INCENP: variants seen among roughly 807,000 people sequenced by gnomAD.
The protein encoded by INCENP is binds and activates aurora-B and -C in vivo and in vitro.
Under a neutral mutation model 107.3 loss-of-function variants are expected in INCENP, and 43 were observed. That is an observed-to-expected ratio of 0.40 (90% CI 0.31 to 0.52). The LOEUF (loss-of-function observed/expected upper bound fraction) is 0.52. INCENP is among the 20% of genes least tolerant of loss of function. INCENP has a pLI of 0.53. For synonymous variants in INCENP, 488 were observed against 494.4 expected (o/e 0.99, Z 0.17); for missense variants, 1,089 against 1,250.9 (o/e 0.87, Z 1.95).
intron 8 of INCENP, 123 bp from the exon 9 acceptor site, chr11:62,140,581 C>T: frequency 1.2e-6 from 1 of 824,144 alleles, no homozygotes; most frequent in Non-Finnish European, 1.9e-6. Flanking sequence ...TTAGGCTCTG[C>T]AGCCTCTTTC....
intron 15 of INCENP, 69 bp from the exon 16 acceptor site, chr11:62,148,407 C>A: frequency 6.9e-7 from 1 of 1,443,090 alleles, no homozygotes; most frequent in South Asian, 1.2e-5. Flanking sequence ...GTTTCCCCAG[C>A]AGGGATGGGA....
At chr11:62,148,905 C>A (rs1944315120) in intron 17 of INCENP, 59 bp downstream of exon 17, 9 of 1,102,900 alleles carry the variant, frequency 8.2e-6, no homozygotes, top group Non-Finnish European at 1.2e-5. Context: ...CTATTCTCTT[C>A]CCAGTAGCTA....
intron 3 of INCENP, 35 bp from the exon 4 acceptor site, chr11:62,129,747 G>T: frequency 6.4e-7 from 1 of 1,557,716 alleles, no homozygotes; most frequent in Non-Finnish European, 8.7e-7. Flanking sequence ...CTGTCCTGCT[G>T]CCCGTCTCAG....
In INCENP at chr11:62,129,955, C is replaced by T. The variant is rs778452765; in HGVS notation, c.428C>T (p.Ser143Leu). 8 of 1,614,070 alleles carry T rather than the reference C, an allele frequency of 5.0e-6. No individual in the cohort carries two copies. In the Admixed American group the frequency reaches 6.7e-5, roughly 13 times the overall value. ...AATMALAAPS[S>L]PTPESPTMLT... ...ACCATGGCATTGGCTGCACCTTCTT[C>T]ACCCACCCCTGAGTCTCCCACGATG... Residue 143 changes from serine (S) to leucine (L), a missense_variant, in exon 4 of 19, where the codon TCA becomes TTA. Transcript: ENST00000394818.
chr11:62,127,962 A>AG (rs1304444873), intron 1 of INCENP, among the ~76,000 whole-genome samples, 189 bp from the exon 2 acceptor site: 1 of 114,098 alleles, frequency 8.8e-6, no homozygotes, highest in East Asian at 9.7e-4. Context: ...CTCTTTGTAG[A>AG]GATGAGGCTA....
Position 62,130,436 on chromosome 11 carries a change from G to A in INCENP, c.909G>A (p.Val303=), listed in dbSNP as rs764978710. 5 of 1,613,836 alleles carry A rather than the reference G, an allele frequency of 3.1e-6. No homozygotes were observed. The highest frequency in any genetic ancestry group is 4.2e-6 in the Non-Finnish European group (5 of 1,180,044). ...PTGSRTDSQS[V]RHSPIAPSSP... is the part of the protein sequence containing the mutation. ...GCTCTCGCACGGACTCTCAATCGGTGCGGCACAGCCCGATCGCCCCGTCTT... is the reference window on the plus strand; with the variant it reads ...GCTCTCGCACGGACTCTCAATCGGTACGGCACAGCCCGATCGCCCCGTCTT... Residue 303 remains valine (V), a synonymous_variant, in exon 4 of 19, where the codon GTG becomes GTA. Transcript: ENST00000394818.
At chr11:62,148,590 T>G in intron 16 of INCENP, 36 bp downstream of exon 16, 1 of 1,569,656 alleles carries the variant, frequency 6.4e-7, no homozygotes, top group Non-Finnish European at 8.7e-7. Context: ...CCCTGGGGTC[T>G]GCCCTGAGCT....
In INCENP at chr11:62,130,224, G is replaced by A; in HGVS notation, c.697G>A (p.Val233Met). The A allele has an allele frequency of 3.7e-6, 6 of 1,613,870 alleles. No individual in the cohort carries two copies. The highest frequency in any genetic ancestry group is 5.1e-6 in the Non-Finnish European group (6 of 1,180,014). The change falls in exon 4 of 19, where the codon GTG becomes ATG. Residue 233 changes from valine to methionine, a missense_variant. By Grantham distance (21) the Val-to-Met change is conservative. Coordinates refer to ENST00000394818, the MANE Select transcript of INCENP (RefSeq NM_001040694.2). ...GGCCAGGATACTGGAGTCCATCACA[G>A]TGAGCTCCCTGATGGCTACACCCCA... ...SKARILESIT[V>M]SSLMATPQDP...
At chr11:62,143,499 T>C (rs1590623181) in intron 11 of INCENP, among the ~76,000 whole-genome samples, 1 of 152,106 alleles carries the variant, frequency 6.6e-6, no homozygotes, top group South Asian at 2.1e-4. Flanking sequence ...TTCTTCCCTA[T>C]CTGCCTGCTC....
chr11:62,141,220 G>A (rs117978805), intron 10 of INCENP, among the ~76,000 whole-genome samples, 176 bp downstream of exon 10: 4 of 152,202 alleles, frequency 2.6e-5, no homozygotes, highest in African/African-American at 4.8e-5. Flanking sequence ...ACCTCTGAGG[G>A]CACTGTCCTG....
In INCENP at chr11:62,138,949, C is replaced by T; in HGVS notation, c.1235C>T (p.Thr412Ile). Residue 412 changes from threonine to isoleucine, a missense_variant, in exon 7 of 19, where the codon ACA becomes ATA. By Grantham distance (89) the Thr-to-Ile change is moderately conservative. Transcript: ENST00000394818. ...AATGACACGGAGATTGCCAACAGCA[C>T]ACCCAACCCGAAGCCTGCAGCCAGC... ...PHNDTEIANS[T>I]PNPKPAASSP... The T allele has an allele frequency of 6.2e-7, 1 of 1,614,156 alleles. No individual in the cohort carries two copies. The highest frequency in any genetic ancestry group is 8.5e-7 in the Non-Finnish European group (1 of 1,179,994).
chr11:62,131,306 A>G (rs899543595), intron 4 of INCENP, among the ~76,000 whole-genome samples: 2 of 152,238 alleles, frequency 1.3e-5, no homozygotes, highest in Non-Finnish European at 2.9e-5. Flanking sequence ...CGTCACTTCA[A>G]AGGGTCGTTG....
intron 17 of INCENP, 148 bp from the exon 18 acceptor site, chr11:62,149,909 G>C: frequency 1.4e-6 from 1 of 731,664 alleles, no homozygotes; most frequent in South Asian, 2.0e-5. Flanking sequence ...GCGACAGTGA[G>C]ATTCTGTCTC....
At chr11:62,130,760 G>A (rs1428345320) in intron 4 of INCENP, among the ~76,000 whole-genome samples, 170 bp downstream of exon 4, 2 of 152,206 alleles carry the variant, frequency 1.3e-5, no homozygotes, top group Non-Finnish European at 2.9e-5. Context: ...CTCATCTGGC[G>A]ATTGTGTCCT....
Position 62,138,122 on chromosome 11 carries a change from C to G in INCENP, c.1115+239C>G, listed in dbSNP as rs3741250. Reference sequence around the variant, plus strand: ...TGCCTGGCTAGACCTGACCCTGGGGCGTGGGCTCCAGAGGTTGGGGGTGAG... The same window carrying G: ...TGCCTGGCTAGACCTGACCCTGGGGGGTGGGCTCCAGAGGTTGGGGGTGAG... On this transcript the variant is annotated intron_variant, in intron 5 of 18. Transcript: ENST00000394818. The G allele has an allele frequency of 0.24, 137,781 of 582,862 alleles. 18,721 individuals are homozygous for G. Among genetic ancestry groups the G allele is most frequent in the South Asian group, 0.41 (20,684 of 50,146 alleles). The allele number at this position is 582,862 out of a possible 1,614,324, so 36.1% of individuals were successfully genotyped here. A position where few individuals can be genotyped will look rare whatever the true frequency, so the allele number is the denominator to read the frequency against.
rs563299893 is a variant in INCENP at position 62,149,779 on chromosome 11, G to C, written c.2392-278G>C. 2.0e-5 allele frequency among the ~76,000 whole-genome samples: 3 copies of C among 152,144 alleles called. No homozygotes were observed. In the South Asian group the frequency reaches 6.2e-4, roughly 32 times the overall value. On this transcript the variant is annotated intron_variant, in intron 17 of 18. Transcript: ENST00000394818. ...CTACTAAACATACAAAAAATTGGCCGGGTGTGGTGGTGCACACCTGTAATC... is the reference window on the plus strand; with the variant it reads ...CTACTAAACATACAAAAAATTGGCCCGGTGTGGTGGTGCACACCTGTAATC...
At chr11:62,140,577 T>G in intron 8 of INCENP, 127 bp from the exon 9 acceptor site, 1 of 803,462 alleles carries the variant, frequency 1.2e-6, no homozygotes, top group Non-Finnish European at 2.0e-6. Flanking sequence ...TTGCTTAGGC[T>G]CTGCAGCCTC....
intron 1 of INCENP, among the ~76,000 whole-genome samples, chr11:62,126,804 A>G (rs909741452): frequency 8.6e-6 from 1 of 116,032 alleles, no homozygotes; most frequent in Non-Finnish European, 2.1e-5. Flanking sequence ...ATATCTCTAT[A>G]TTATTTATAA....
chr11:62,146,825 G>A lies in INCENP; in HGVS notation c.2127G>A (p.Glu709=), dbSNP rs564813243. The part of the protein sequence containing the change: ...EQERREQERR[E]QERREQERQL... ...AGCGGCGCGAGCAGGAGCGGCGGGA[G>A]CAGGAGCGGCGCGAGCAGGAGCGAC... Residue 709 remains glutamate, a synonymous_variant, in exon 15 of 19, where the codon GAG becomes GAA. Coordinates refer to ENST00000394818, the MANE Select transcript of INCENP (RefSeq NM_001040694.2). 2.3e-5 allele frequency: 35 copies of A among 1,544,148 alleles called. No homozygotes were observed. The African/African-American group carries it at 3.6e-4, about 16-fold the overall frequency.
Sources: allele counts gnomAD v4.1 joint callset (sites outside exome capture counted in the v4.1 genomes callset), GRCh38; gene constraint gnomAD v4.1.1; transcripts MANE v1.5; gene names NCBI Gene and HGNC (gene_info 2026-07-23, HGNC 2026-07-21).